DLGAP2: variants seen among roughly 807,000 people sequenced by gnomAD.
The protein encoded by DLGAP2 is DLG associated protein 2, also known as disks large-associated protein 2.
A neutral mutation model predicts 100.3 loss-of-function variants in DLGAP2; 26 were observed. That is an observed-to-expected ratio of 0.26 (90% CI 0.19 to 0.36). The LOEUF is 0.36. Among genes scored for constraint, DLGAP2 ranks in the 10% least tolerant of loss-of-function variants. The probability of loss-of-function intolerance (pLI) is 1.00; values close to 1 mark genes in which losing one functional copy is unlikely to be tolerated. For missense variants in DLGAP2, 1,858 were observed against 1,453.2 expected (o/e 1.28, Z -4.53); for synonymous variants, 886 against 630.1 (o/e 1.41, Z -6.08).
At chr8:1,387,462 T>C (rs1030455965) in intron 3 of DLGAP2, among the ~76,000 whole-genome samples, 2 of 152,124 alleles carry the variant, frequency 1.3e-5, no homozygotes, top group Non-Finnish European at 2.9e-5. Flanking sequence ...AGATTGGCAG[T>C]CTGGTGCACG....
chr8:1,418,825 C>T (rs769011145), intron 3 of DLGAP2, among the ~76,000 whole-genome samples: 1 of 152,212 alleles, frequency 6.6e-6, no homozygotes, highest in Non-Finnish European at 1.5e-5. Context: ...GACGCAGCCC[C>T]GCAAGACCAG....
intron 3 of DLGAP2, among the ~76,000 whole-genome samples, chr8:1,343,829 C>T (rs999611049): frequency 5.9e-5 from 9 of 152,172 alleles, no homozygotes; most frequent in African/African-American, 1.7e-4. Context: ...CACGTCCACC[C>T]GTGACAGAGC....
intron 2 of DLGAP2, among the ~76,000 whole-genome samples, chr8:1,168,450 C>T (rs367935034): frequency 0.18 from 27,395 of 149,364 alleles, 2,718 homozygotes; most frequent in Middle Eastern, 0.34. Flanking sequence ...CCTGAGGAAT[C>T]GCCACACTGA....
chr8:1,617,866 A>C (rs541369421), intron 6 of DLGAP2, among the ~76,000 whole-genome samples: 3 of 152,386 alleles, frequency 2.0e-5, no homozygotes, highest in Admixed American at 2.0e-4. Context: ...TCAGAGGAAC[A>C]AGTATATGAA....
intron 2 of DLGAP2, among the ~76,000 whole-genome samples, chr8:1,049,926 A>G (rs571234336): frequency 6.6e-6 from 1 of 152,334 alleles, no homozygotes; most frequent in African/African-American, 2.4e-5. Flanking sequence ...ACACATGCAT[A>G]TGTACACACG....
At chr8:1,690,703 C>CAAAAAAAAAAAAAAAAA (rs71190752) in intron 12 of DLGAP2, among the ~76,000 whole-genome samples, 6 of 62,070 alleles carry the variant, frequency 9.7e-5, no homozygotes, top group South Asian at 5.7e-4. Context: ...GACCCTATCT[C>CAAAAAAAAAAAAAAAAA]AAAAAAAAAA....
intron 1 of DLGAP2, among the ~76,000 whole-genome samples, chr8:777,587 T>C (rs1190593189): frequency 6.6e-6 from 1 of 152,164 alleles, no homozygotes; most frequent in African/African-American, 2.4e-5. Context: ...CTGTAAAGTA[T>C]TTTATTTCTC....
At chr8:1,123,459 G>A (rs1320325763) in intron 2 of DLGAP2, among the ~76,000 whole-genome samples, 1 of 152,132 alleles carries the variant, frequency 6.6e-6, no homozygotes, top group Non-Finnish European at 1.5e-5. Flanking sequence ...AAACAAGGAG[G>A]TTCCTCATAG....
At chr8:953,034 T>A (rs145840445) in intron 2 of DLGAP2, among the ~76,000 whole-genome samples, 1 of 152,204 alleles carries the variant, frequency 6.6e-6, no homozygotes, top group Non-Finnish European at 1.5e-5. Context: ...GTTCACTGAA[T>A]TATGCAGGTC....
chr8:1,531,069 C>A (rs532926225), intron 4 of DLGAP2, among the ~76,000 whole-genome samples: 1 of 152,146 alleles, frequency 6.6e-6, no homozygotes, highest in Non-Finnish European at 1.5e-5. Context: ...TATTGAGAAA[C>A]CATAAAGTTT....
intron 3 of DLGAP2, among the ~76,000 whole-genome samples, chr8:1,392,636 C>G (rs934822692): frequency 6.6e-6 from 1 of 152,150 alleles, no homozygotes; most frequent in African/African-American, 2.4e-5. Flanking sequence ...TGTGGAAACC[C>G]GTGGGGAGTC....
At chr8:1,504,335 C>T (rs943725898) in intron 4 of DLGAP2, among the ~76,000 whole-genome samples, 4 of 152,074 alleles carry the variant, frequency 2.6e-5, no homozygotes, top group Non-Finnish European at 4.4e-5. Flanking sequence ...TACAGGTATA[C>T]GTTGTGAGAT....
chr8:1,488,221 A>C (rs941277568), intron 3 of DLGAP2, among the ~76,000 whole-genome samples: 1 of 151,924 alleles, frequency 6.6e-6, no homozygotes, highest in African/African-American at 2.4e-5. Flanking sequence ...CCCCCCTGCA[A>C]ACTCCCACCC....
At chr8:776,497 A>C (rs1353936139) in intron 1 of DLGAP2, among the ~76,000 whole-genome samples, 1 of 152,118 alleles carries the variant, frequency 6.6e-6, no homozygotes, top group African/African-American at 2.4e-5. Flanking sequence ...TAGTGCTATA[A>C]ATTTACCTCT....
chr8:1,628,663 A>G (rs1175753882), intron 7 of DLGAP2, among the ~76,000 whole-genome samples: 3 of 145,442 alleles, frequency 2.1e-5, no homozygotes, highest in African/African-American at 8.0e-5. Flanking sequence ...ACTGTGGAGC[A>G]GGAATTAAGA....
chr8:1,462,745 G>A (rs1056371148), intron 3 of DLGAP2, among the ~76,000 whole-genome samples: 4 of 152,298 alleles, frequency 2.6e-5, no homozygotes, highest in East Asian at 1.9e-4. Context: ...AGGGAGCCAC[G>A]TCCCCCCGCA....
chr8:783,158 C>A (rs557637921), intron 1 of DLGAP2, among the ~76,000 whole-genome samples: 1 of 152,316 alleles, frequency 6.6e-6, no homozygotes, highest in African/African-American at 2.4e-5. Context: ...AACTTTCTTA[C>A]CTCAAGAAGT....
chr8:1,383,284 A>C (rs968751706), intron 3 of DLGAP2, among the ~76,000 whole-genome samples: 2 of 152,262 alleles, frequency 1.3e-5, no homozygotes, highest in Non-Finnish European at 2.9e-5. Context: ...AATATGTTAC[A>C]GTATTTCAAA....
chr8:750,176 G>A (rs1051017644), intron 1 of DLGAP2, among the ~76,000 whole-genome samples: 4 of 152,344 alleles, frequency 2.6e-5, no homozygotes, highest in Admixed American at 6.5e-5. Flanking sequence ...ATGGGCGAAC[G>A]TTCCTGAGTC....
Sources: allele counts gnomAD v4.1 joint callset (sites outside exome capture counted in the v4.1 genomes callset), GRCh38; gene constraint gnomAD v4.1.1; transcripts MANE v1.5; gene names NCBI Gene and HGNC (gene_info 2026-07-23, HGNC 2026-07-21).